Variants in ATP9A observed in about 807,000 individuals in gnomAD.
ATP9A encodes probable phospholipid-transporting ATPase IIA.
ATP9A carries 52 observed loss-of-function variants against 144.1 expected under a neutral mutation model. The ratio of observed to expected loss-of-function variants is 0.36; its 90% confidence interval spans 0.29 to 0.45. The LOEUF (loss-of-function observed/expected upper bound fraction) is 0.45. Ranked by LOEUF, ATP9A falls within the 20% of genes least tolerant of loss-of-function variation. ATP9A has a pLI of 1.00. For synonymous variants in ATP9A, 582 were observed against 557.4 expected (o/e 1.04, Z -0.62); for missense variants, 947 against 1,392.7 (o/e 0.68, Z 5.09).
intron 3 of ATP9A, among the ~76,000 whole-genome samples, chr20:51,716,998 A>AC (rs1439126065): frequency 6.6e-6 from 1 of 151,742 alleles, no homozygotes; most frequent in Non-Finnish European, 1.5e-5. Flanking sequence ...ACATGGTGAA[A>AC]CCCCCACCCC....
chr20:51,742,614 A>C (rs1247997887), intron 1 of ATP9A, among the ~76,000 whole-genome samples: 1 of 151,996 alleles, frequency 6.6e-6, no homozygotes, highest in Non-Finnish European at 1.5e-5. Context: ...TCCTGGGTTC[A>C]AGCAATTCTT....
chr20:51,691,339 C>T (rs1298227188), intron 7 of ATP9A, among the ~76,000 whole-genome samples: 3 of 152,088 alleles, frequency 2.0e-5, no homozygotes, highest in African/African-American at 7.2e-5. Context: ...CATGGTGGCG[C>T]GTGCCTGTAA....
At chr20:51,624,307 G>A (rs2077238854) in intron 18 of ATP9A, among the ~76,000 whole-genome samples, 1 of 152,190 alleles carries the variant, frequency 6.6e-6, no homozygotes. Flanking sequence ...GGATGCAGCA[G>A]AGAGCCACTT....
At chr20:51,754,206 G>A (rs1269080665) in intron 1 of ATP9A, among the ~76,000 whole-genome samples, 2 of 152,036 alleles carry the variant, frequency 1.3e-5, no homozygotes, top group East Asian at 3.9e-4. Context: ...CTCAGATACA[G>A]AAAAGGAAGC....
chr20:51,598,411 T>C lies in ATP9A; in HGVS notation c.*2800A>G, dbSNP rs987688367. 1.6e-4 allele frequency: 24 copies of C among 152,208 alleles called. No individual in the cohort carries two copies. The highest frequency in any genetic ancestry group is 2.5e-4 in the Non-Finnish European group (17 of 68,030). 9.4% of individuals were successfully genotyped at this position (152,208 alleles called of 1,614,324 possible). A position where few individuals can be genotyped will look rare whatever the true frequency, so the allele number is the denominator to read the frequency against. On this transcript the variant is annotated 3_prime_UTR_variant, in exon 28 of 28. Coordinates refer to ENST00000338821, the MANE Select transcript of ATP9A (RefSeq NM_006045.3). ...GCTGACTGTGTACCTCAAGGCCCTC[T>C]GACCTCAAATTAAATTGGCTGTCAA...
intron 1 of ATP9A, among the ~76,000 whole-genome samples, chr20:51,738,051 C>CA (rs2077769960): frequency 6.9e-6 from 1 of 145,980 alleles, no homozygotes. Context: ...TTTTTTGAGA[C>CA]AGAGTCTCTC....
intron 10 of ATP9A, among the ~76,000 whole-genome samples, chr20:51,675,371 G>A (rs1195702608): frequency 6.6e-6 from 1 of 152,184 alleles, no homozygotes; most frequent in African/African-American, 2.4e-5. Context: ...AAAATTGGAG[G>A]AGGGGTAAGC....
At chr20:51,658,932 G>GC (rs1269977778) in intron 13 of ATP9A, among the ~76,000 whole-genome samples, 2 of 122,368 alleles carry the variant, frequency 1.6e-5, no homozygotes, top group Non-Finnish European at 3.2e-5. Context: ...CAAGCCAAAT[G>GC]CCCTCGCATC....
At chr20:51,731,818 C>T in intron 1 of ATP9A, among the ~76,000 whole-genome samples, 1 of 152,112 alleles carries the variant, frequency 6.6e-6, no homozygotes, top group East Asian at 1.9e-4. Context: ...AGCCTTATTC[C>T]AAAGCCTAGT....
At chr20:51,621,944 G>A in intron 19 of ATP9A, 130 bp downstream of exon 19, 2 of 752,136 alleles carry the variant, frequency 2.7e-6, no homozygotes, top group South Asian at 1.8e-5. Context: ...AAGCAACCGT[G>A]GTTGATGCTC....
chr20:51,725,835 G>A lies in ATP9A; in HGVS notation c.311C>T (p.Thr104Ile). ...TTAACTTACCAGGGGAACCCAGTAG[G>A]TATAGAGTGCACCAAGTCTCATTTC... Reference protein sequence around the residue: ...VPEMRLGALYTYWVPLGFVLA... With the variant: ...VPEMRLGALYIYWVPLGFVLA... The change falls in exon 3 of 28, where the codon ACC becomes ATC. Residue 104 changes from threonine to isoleucine, a missense_variant. Thr to Ile is a moderately conservative substitution (Grantham distance 89, BLOSUM62 -1). Coordinates refer to ENST00000338821, the MANE Select transcript of ATP9A (RefSeq NM_006045.3). The A allele has an allele frequency of 6.2e-7, 1 of 1,605,924 alleles. No individual in the cohort carries two copies. The highest frequency in any genetic ancestry group is 8.5e-7 in the Non-Finnish European group (1 of 1,172,516).
intron 4 of ATP9A, among the ~76,000 whole-genome samples, chr20:51,700,735 CAGG>C (rs1160470176): frequency 6.6e-6 from 1 of 152,180 alleles, no homozygotes; most frequent in Non-Finnish European, 1.5e-5. Context: ...GAGGCTGAAG[CAGG>C]AGAATCGCTT....
At chr20:51,625,460 CACA>C in intron 17 of ATP9A, 98 bp from the exon 18 acceptor site, 1 of 1,398,960 alleles carries the variant, frequency 7.1e-7, no homozygotes, top group Non-Finnish European at 9.6e-7. Context: ...CGATCCCCAC[CACA>C]CGGGGTGGGG....
At chr20:51,763,247 A>C (rs886397294) in intron 1 of ATP9A, among the ~76,000 whole-genome samples, 2 of 149,340 alleles carry the variant, frequency 1.3e-5, no homozygotes, top group African/African-American at 5.0e-5. Context: ...AACATTCAAA[A>C]CCCATGCCGG....
rs1568797042 is a variant in ATP9A, at chr20:51,638,076, TATATATATA to T, written c.1668+1258_1668+1266del. Among the ~76,000 whole-genome samples, 63 of 13,738 alleles carry T rather than the reference TATATATATA, an allele frequency of 4.6e-3. 2 individuals are homozygous for T. Among genetic ancestry groups the T allele is most frequent in the Admixed American group, 0.018 (22 of 1,198 alleles). The allele number at this position is 13,738 out of a possible 152,430, so 9.0% of individuals were successfully genotyped here. On this transcript the variant is annotated intron_variant, in intron 15 of 27. Transcript: ENST00000338821. ...CTAAGTAGCATTTCATCATTTTATA[TATATATATA>T]TATATATATATATATATATATATAT...
At chr20:51,658,888 C>CGGGGGGGGGG (rs11477336) in intron 13 of ATP9A, among the ~76,000 whole-genome samples, 20 of 54,830 alleles carry the variant, frequency 3.6e-4, no homozygotes, top group African/African-American at 1.3e-3. Flanking sequence ...AGACCACTGG[C>CGGGGGGGGGG]GGGGGGGGGG....
intron 1 of ATP9A, among the ~76,000 whole-genome samples, chr20:51,754,325 A>C (rs1028021061): frequency 1.3e-5 from 2 of 152,014 alleles, no homozygotes; most frequent in African/African-American, 4.8e-5. Flanking sequence ...AACATGGAGA[A>C]ACCCCGTCTC....
intron 14 of ATP9A, among the ~76,000 whole-genome samples, chr20:51,646,270 CT>C (rs1037736254): frequency 6.6e-6 from 1 of 152,116 alleles, no homozygotes; most frequent in Admixed American, 6.6e-5. Flanking sequence ...GGATGCTGTG[CT>C]TGGGAAATAA....
At chr20:51,627,902 T>C (rs556181550) in intron 16 of ATP9A, among the ~76,000 whole-genome samples, 83 of 152,290 alleles carry the variant, frequency 5.5e-4, no homozygotes, top group African/African-American at 1.9e-3. Context: ...CACCCACAGG[T>C]CGTCTTCAAC....
Sources: gnomAD v4.1 joint callset for allele counts (sites outside exome capture counted in the v4.1 genomes callset) on GRCh38, gnomAD v4.1.1 for gene constraint, MANE v1.5 for transcripts, NCBI Gene and HGNC (gene_info 2026-07-23, HGNC 2026-07-21) for gene names.